KLF7: variants seen among roughly 807,000 people sequenced by gnomAD.
The protein encoded by KLF7 is KLF transcription factor 7.
A neutral mutation model predicts 27.3 loss-of-function variants in KLF7; 2 were observed. The ratio of observed to expected loss-of-function variants is 0.07; its 90% CI spans 0.03 to 0.23. The LOEUF (loss-of-function observed/expected upper bound fraction) is 0.23. Among genes scored for constraint, KLF7 ranks in the 10% least tolerant of loss-of-function variants. The pLI is 1.00. For missense variants in KLF7, 221 were observed against 394.1 expected (o/e 0.56, Z 3.72); for synonymous variants, 165 against 162.4 (o/e 1.02, Z -0.12).
At chr2:207,134,019 A>G in intron 1 of KLF7, 2 of 1,451,842 alleles carry the variant, frequency 1.4e-6, no homozygotes, top group East Asian at 5.0e-5. Context: ...AACTTTGCAC[A>G]CACACTCACA....
chr2:207,082,670 T>G (rs2076300599), intron 3 of KLF7, among the ~76,000 whole-genome samples: 1 of 152,172 alleles, frequency 6.6e-6, no homozygotes, highest in South Asian at 2.1e-4. Context: ...ATCATTCGCC[T>G]GAAACTAGCT....
intron 1 of KLF7, among the ~76,000 whole-genome samples, chr2:207,154,127 T>G (rs983890954): frequency 6.6e-6 from 1 of 152,172 alleles, no homozygotes; most frequent in Non-Finnish European, 1.5e-5. Context: ...GTGCTTCCAT[T>G]ATGTCTTATT....
intron 2 of KLF7, among the ~76,000 whole-genome samples, chr2:207,114,610 T>G (rs2077128004): frequency 6.6e-6 from 1 of 152,212 alleles, no homozygotes; most frequent in South Asian, 2.1e-4. Flanking sequence ...AATCCTGCAT[T>G]TTTTAGGGCA....
intron 1 of KLF7, among the ~76,000 whole-genome samples, chr2:207,147,728 C>T (rs563899094): frequency 6.6e-6 from 1 of 152,230 alleles, no homozygotes; most frequent in African/African-American, 2.4e-5. Context: ...AAATAAAATA[C>T]GTCTTAGGAT....
intron 2 of KLF7, among the ~76,000 whole-genome samples, chr2:207,123,063 A>G (rs2077382382): frequency 6.6e-6 from 1 of 151,892 alleles, no homozygotes; most frequent in Non-Finnish European, 1.5e-5. Flanking sequence ...ACTGGAACTT[A>G]GGGATGGTGT....
chr2:207,136,641 C>A (rs966201012), intron 1 of KLF7, among the ~76,000 whole-genome samples: 6 of 152,054 alleles, frequency 3.9e-5, no homozygotes, highest in Non-Finnish European at 8.8e-5. Flanking sequence ...TTTATCTTTC[C>A]CTATTAACAT....
chr2:207,136,445 C>T (rs554320972), intron 1 of KLF7, among the ~76,000 whole-genome samples: 1 of 144,080 alleles, frequency 6.9e-6, no homozygotes, highest in African/African-American at 2.5e-5. Flanking sequence ...CACTGCACAT[C>T]TGTTTCCTTT....
chr2:207,149,867 C>T (rs569340265), intron 1 of KLF7, among the ~76,000 whole-genome samples: 6 of 152,134 alleles, frequency 3.9e-5, no homozygotes, highest in Non-Finnish European at 7.4e-5. Context: ...CATTCTGACC[C>T]CAGTGTGCCA....
intron 2 of KLF7, among the ~76,000 whole-genome samples, chr2:207,099,329 G>A (rs941998703): frequency 6.6e-6 from 1 of 151,900 alleles, no homozygotes; most frequent in Non-Finnish European, 1.5e-5. Context: ...AAAATGCAGA[G>A]ACATGGAGGG....
At chr2:207,169,441 A>G (rs532810713), upstream of KLF7, among the ~76,000 whole-genome samples, 2 of 152,314 alleles carry the variant, frequency 1.3e-5, no homozygotes, top group South Asian at 4.1e-4. Flanking sequence ...AAGTAAATCT[A>G]CTTAAAGCTG....
In KLF7 at chr2:207,139,409, C is replaced by T. The variant is rs554989647; in HGVS notation, c.103-15005G>A. ...GGGGAACCTAACTTAGTAAAGAAAACTGAGTTTTTCACTGTTCTGTAACCA... is the reference window on the plus strand; with the variant it reads ...GGGGAACCTAACTTAGTAAAGAAAATTGAGTTTTTCACTGTTCTGTAACCA... On this transcript the variant is annotated intron_variant, in intron 1 of 3. Transcript: ENST00000309446. 2.0e-5 allele frequency among the ~76,000 whole-genome samples: 3 copies of T among 152,158 alleles called. No individual in the cohort carries two copies. The South Asian group carries it at 6.2e-4, about 32-fold the overall frequency.
upstream of KLF7, chr2:207,167,236 C>G (rs1384548117): frequency 9.1e-7 from 1 of 1,093,928 alleles, no homozygotes; most frequent in African/African-American, 1.6e-5. Context: ...ATAGAGAGAT[C>G]TGTTACATCT....
At chr2:207,134,192 A>G in intron 1 of KLF7, 1 of 1,274,370 alleles carries the variant, frequency 7.8e-7, no homozygotes, top group South Asian at 1.5e-5. Context: ...AACTCATTTC[A>G]TTGGCTCCTT....
chr2:207,153,312 G>T (rs1342548048), intron 1 of KLF7, among the ~76,000 whole-genome samples: 1 of 152,194 alleles, frequency 6.6e-6, no homozygotes, highest in African/African-American at 2.4e-5. Flanking sequence ...CACAAAGCTA[G>T]TGAGAACTGG....
intron 1 of KLF7, among the ~76,000 whole-genome samples, chr2:207,127,525 G>C (rs951953495): frequency 3.9e-5 from 6 of 152,146 alleles, no homozygotes; most frequent in Non-Finnish European, 7.4e-5. Context: ...GTTTGTAAAT[G>C]ATTATGAGAA....
chr2:207,154,597 G>A (rs2078330848), intron 1 of KLF7, among the ~76,000 whole-genome samples: 1 of 152,172 alleles, frequency 6.6e-6, no homozygotes, highest in Non-Finnish European at 1.5e-5. Context: ...GGGCATTCCA[G>A]GCTCACTGGG....
At chr2:207,169,724 A>ATT (rs777835634), upstream of KLF7, among the ~76,000 whole-genome samples, 2 of 152,130 alleles carry the variant, frequency 1.3e-5, no homozygotes, top group Non-Finnish European at 2.9e-5. Context: ...TCCTCACAAT[A>ATT]GTTCAAACTT....
chr2:207,086,016 G>A (rs558218045), intron 3 of KLF7, among the ~76,000 whole-genome samples: 1 of 146,114 alleles, frequency 6.8e-6, no homozygotes, highest in Admixed American at 6.8e-5. Flanking sequence ...AACCAAAAAC[G>A]TCATGAATTT....
At chr2:207,141,357 C>T (rs1196264866) in intron 1 of KLF7, among the ~76,000 whole-genome samples, 1 of 152,162 alleles carries the variant, frequency 6.6e-6, no homozygotes, top group Non-Finnish European at 1.5e-5. Context: ...TAGGTAGATG[C>T]TATTTCTGAG....
Sources: gnomAD v4.1 joint callset for allele counts (sites outside exome capture counted in the v4.1 genomes callset) on GRCh38, gnomAD v4.1.1 for gene constraint, MANE v1.5 for transcripts, NCBI Gene and HGNC (gene_info 2026-07-23, HGNC 2026-07-21) for gene names.